DLGAP2: variants seen among roughly 807,000 people sequenced by gnomAD.
DLGAP2 encodes the protein DLG associated protein 2.
Under a neutral mutation model 100.3 loss-of-function variants are expected in DLGAP2, and 26 were observed. That is an observed-to-expected ratio of 0.26 (90% confidence interval 0.19 to 0.36). The LOEUF is 0.36. Ranked by LOEUF, DLGAP2 falls within the 10% of genes least tolerant of loss-of-function variation. DLGAP2 has a pLI of 1.00. For synonymous variants in DLGAP2, 886 were observed against 630.1 expected (o/e 1.41, Z -6.08); for missense variants, 1,858 against 1,453.2 (o/e 1.28, Z -4.53).
In DLGAP2 at chr8:1,381,963, T is replaced by C. The variant is rs188035930; in HGVS notation, c.107-119403T>C. Among the ~76,000 whole-genome samples the C allele has an allele frequency of 2.8e-4, 43 of 152,310 alleles. No individual in the cohort carries two copies. The East Asian group carries it at 4.8e-3, about 17-fold the overall frequency. ...ATGATAAAGTCTACACAGTGTTTTTTAGATTACATTTATGCAATCTTGAAA... is the reference window on the plus strand; with the variant it reads ...ATGATAAAGTCTACACAGTGTTTTTCAGATTACATTTATGCAATCTTGAAA... On this transcript the variant is annotated intron_variant, in intron 3 of 14. Transcript: ENST00000637795.
At chr8:1,226,235 A>G (rs1798413086) in intron 2 of DLGAP2, among the ~76,000 whole-genome samples, 1 of 152,214 alleles carries the variant, frequency 6.6e-6, no homozygotes, top group Non-Finnish European at 1.5e-5. Flanking sequence ...GCAAATGTCC[A>G]TCAATGATAG....
At chr8:1,023,996 C>G (rs1397348982) in intron 2 of DLGAP2, among the ~76,000 whole-genome samples, 1 of 151,762 alleles carries the variant, frequency 6.6e-6, no homozygotes, top group East Asian at 1.9e-4. Flanking sequence ...GCCTCCACCT[C>G]TTGTGTCTCA....
intron 8 of DLGAP2, among the ~76,000 whole-genome samples, chr8:1,661,946 C>G (rs1798418344): frequency 6.6e-6 from 1 of 152,162 alleles, no homozygotes; most frequent in Non-Finnish European, 1.5e-5. Context: ...GGGTGCTCTG[C>G]CAGAGCAAGA....
intron 2 of DLGAP2, among the ~76,000 whole-genome samples, chr8:1,168,651 A>T (rs1177849471): frequency 8.2e-5 from 12 of 146,606 alleles, no homozygotes; most frequent in African/African-American, 2.6e-4. Flanking sequence ...GCATTTTTTC[A>T]TGTGTTTTTT....
intron 2 of DLGAP2, among the ~76,000 whole-genome samples, chr8:1,027,012 A>G (rs1801819917): frequency 6.6e-6 from 1 of 152,266 alleles, no homozygotes; most frequent in Non-Finnish European, 1.5e-5. Context: ...ATCACATTTG[A>G]AAAGTTAGAA....
At chr8:915,793 T>A (rs1798580116) in intron 2 of DLGAP2, among the ~76,000 whole-genome samples, 1 of 151,684 alleles carries the variant, frequency 6.6e-6, no homozygotes, top group Non-Finnish European at 1.5e-5. Flanking sequence ...TCCGTGTGTG[T>A]TAACCATGAG....
chr8:809,792 G>A (rs578044481), intron 1 of DLGAP2, among the ~76,000 whole-genome samples: 2 of 152,116 alleles, frequency 1.3e-5, no homozygotes, highest in East Asian at 1.9e-4. Context: ...CCATTCTCCC[G>A]GTGTCCTAAG....
chr8:1,313,459 TC>T (rs1247541824), intron 3 of DLGAP2, among the ~76,000 whole-genome samples: 5 of 151,482 alleles, frequency 3.3e-5, no homozygotes, highest in South Asian at 2.1e-4. Flanking sequence ...TCCCCTATAC[TC>T]CCCCCCTTAA....
intron 6 of DLGAP2, among the ~76,000 whole-genome samples, chr8:1,610,654 AG>A: frequency 1.5e-5 from 2 of 129,568 alleles, no homozygotes; most frequent in African/African-American, 6.6e-5. Context: ...AGACTAATAA[AG>A]AAAAAAAGAG....
intron 5 of DLGAP2, among the ~76,000 whole-genome samples, chr8:1,563,480 G>A (rs111918259): frequency 8.3e-5 from 10 of 119,812 alleles, no homozygotes; most frequent in East Asian, 2.6e-4. Flanking sequence ...TCCGCGCCTC[G>A]TTACTGGGGG....
At chr8:798,249 G>A (rs1796075869) in intron 1 of DLGAP2, among the ~76,000 whole-genome samples, 1 of 149,486 alleles carries the variant, frequency 6.7e-6, no homozygotes, top group East Asian at 2.0e-4. Context: ...GGCACTGAAA[G>A]CAAACTCTTG....
At chr8:904,525 T>C (rs1228524339) in intron 1 of DLGAP2, among the ~76,000 whole-genome samples, 1 of 152,092 alleles carries the variant, frequency 6.6e-6, no homozygotes, top group Admixed American at 6.5e-5. Flanking sequence ...CTCAAAAAAA[T>C]TACATGGCTG....
intron 2 of DLGAP2, among the ~76,000 whole-genome samples, chr8:946,316 T>G (rs962195615): frequency 1.3e-5 from 2 of 150,214 alleles, no homozygotes; most frequent in Non-Finnish European, 3.0e-5. Flanking sequence ...CAGGCTGGAG[T>G]GCAGTGGTGC....
At chr8:952,631 G>A (rs1213513402) in intron 2 of DLGAP2, among the ~76,000 whole-genome samples, 1 of 151,676 alleles carries the variant, frequency 6.6e-6, no homozygotes, top group African/African-American at 2.4e-5. Flanking sequence ...TGTGATACAT[G>A]ATCTCAAAAA....
At chr8:1,180,359 G>T (rs907991156) in intron 2 of DLGAP2, among the ~76,000 whole-genome samples, 1 of 152,312 alleles carries the variant, frequency 6.6e-6, no homozygotes, top group East Asian at 1.9e-4. Context: ...GCACGCTTCT[G>T]ATTTCTTTGA....
intron 3 of DLGAP2, among the ~76,000 whole-genome samples, chr8:1,359,975 G>A (rs1476409344): frequency 6.6e-6 from 1 of 152,202 alleles, no homozygotes; most frequent in African/African-American, 2.4e-5. Context: ...CACGGGTCCT[G>A]CCAGCACACC....
At chr8:1,217,376 A>T (rs550428848) in intron 2 of DLGAP2, among the ~76,000 whole-genome samples, 46 of 152,212 alleles carry the variant, frequency 3.0e-4, no homozygotes, top group African/African-American at 1.1e-3. Context: ...CACTATGTTG[A>T]TTCCATGTCT....
intron 3 of DLGAP2, among the ~76,000 whole-genome samples, chr8:1,306,761 A>G (rs1260863680): frequency 1.3e-5 from 2 of 152,186 alleles, no homozygotes; most frequent in East Asian, 1.9e-4. Context: ...TTGTCAAATG[A>G]TTTCTGATAA....
rs1047464245 is a variant in DLGAP2, at chr8:1,681,886, C to T, written c.2704+3257C>T. 2.0e-4 allele frequency among the ~76,000 whole-genome samples: 29 copies of T among 146,810 alleles called. 1 individual carries two copies. The highest frequency in any genetic ancestry group is 7.9e-4 in the African/African-American group (29 of 36,658). ...CGGCCCTCTGACGTTGAAGGCTCTG[C>T]CTTCCCAGCAGTGATCTGGGACTGG... On this transcript the variant is annotated intron_variant, in intron 12 of 14. Coordinates refer to ENST00000637795, the MANE Select transcript of DLGAP2 (RefSeq NM_001346810.2).
Sources: gnomAD v4.1 joint callset for allele counts (sites outside exome capture counted in the v4.1 genomes callset) on GRCh38, gnomAD v4.1.1 for gene constraint, MANE v1.5 for transcripts, NCBI Gene and HGNC (gene_info 2026-07-23, HGNC 2026-07-21) for gene names.